UBE3C: variants seen among roughly 807,000 people sequenced by gnomAD.
The protein encoded by UBE3C is ubiquitin protein ligase E3C.
In UBE3C, 42 loss-of-function variants were observed where a neutral mutation model predicts 129.4. The ratio of observed to expected loss-of-function variants is 0.32; its 90% CI spans 0.25 to 0.42. The LOEUF is 0.42. Ranked by LOEUF, UBE3C falls within the 10% of genes least tolerant of loss-of-function variation. The pLI, the probability that UBE3C is intolerant of heterozygous loss-of-function variation, is 1.00. For synonymous variants in UBE3C, 510 were observed against 492.4 expected, an observed-to-expected ratio of 1.04 and a Z score of -0.47; for missense variants, 1,049 against 1,319.1, an observed-to-expected ratio of 0.80 and a Z score of 3.17.
intron 18 of UBE3C, among the ~76,000 whole-genome samples, chr7:157,236,016 A>G (rs1468296567): frequency 6.6e-6 from 1 of 152,208 alleles, no homozygotes; most frequent in Non-Finnish European, 1.5e-5. Flanking sequence ...TCTTTAATGC[A>G]TATGTTAGTG....
Position 157,182,259 on chromosome 7 carries a change from T to G in UBE3C, c.922T>G (p.Cys308Gly), listed in dbSNP as rs769984704. ...LNALLLIESR[C>G]SRKSGGAPWL... The stretch of plus-strand genomic sequence containing the variant: ...TGCACTGTTGTTAATAGAGAGTAGA[T>G]GTTCAAGAAAGAGTGGTGGAGCACC... The change falls in exon 8 of 23, where the codon TGT (cysteine) becomes GGT (glycine). Residue 308 changes from cysteine (C) to glycine (G), a missense_variant. By Grantham distance (159) the Cys-to-Gly change is radical (BLOSUM62 -3). Coordinates refer to ENST00000348165, the MANE Select transcript of UBE3C (RefSeq NM_014671.3). 3.1e-5 allele frequency: 50 copies of G among 1,614,116 alleles called. No homozygotes were observed. The Admixed American group carries it at 8.3e-4, about 27-fold the overall frequency.
intron 6 of UBE3C, among the ~76,000 whole-genome samples, chr7:157,179,119 T>A (rs1808602027): frequency 6.6e-6 from 1 of 151,774 alleles, no homozygotes; most frequent in South Asian, 2.1e-4. Context: ...TATGCTTTCA[T>A]CAGTTGTCCC....
chr7:157,162,870 A>T (rs1451610788), intron 1 of UBE3C, among the ~76,000 whole-genome samples: 1 of 152,154 alleles, frequency 6.6e-6, no homozygotes, highest in Non-Finnish European at 1.5e-5. Context: ...ATGTCCATAC[A>T]CTAAAGACTG....
At chr7:157,223,104 G>A in intron 15 of UBE3C, 150 bp from the exon 16 acceptor site, 1 of 731,612 alleles carries the variant, frequency 1.4e-6, no homozygotes. Flanking sequence ...TGGCTCATGG[G>A]TCTGCCTGAG....
intron 10 of UBE3C, among the ~76,000 whole-genome samples, chr7:157,191,932 A>G (rs529774869): frequency 6.0e-4 from 92 of 152,190 alleles, no homozygotes; most frequent in Non-Finnish European, 1.2e-3. Context: ...TATTTTCATT[A>G]TAATCAATAG....
In UBE3C at chr7:157,269,067, C is replaced by T. The variant is rs1000582674; in HGVS notation, c.*1312C>T. 2.6e-5 allele frequency: 4 copies of T among 152,580 alleles called. No individual in the cohort carries two copies. The highest frequency in any genetic ancestry group is 5.9e-5 in the Non-Finnish European group (4 of 68,030). The allele number at this position is 152,580 out of a possible 1,614,324, so 9.5% of individuals were successfully genotyped here. On this transcript the variant is annotated 3_prime_UTR_variant, in exon 23 of 23. Transcript: ENST00000348165. The stretch of plus-strand genomic sequence containing the variant: ...TTTAAGACAATGAACATTATCAAAA[C>T]AAAATGTATAATTTCTTAATTTGAA...
Position 157,153,906 on chromosome 7 carries a change from C to T in UBE3C, c.67-9904C>T, listed in dbSNP as rs537405214. Among the ~76,000 whole-genome samples the T allele has an allele frequency of 1.5e-3, 232 of 151,746 alleles. 1 individual carries two copies. Among genetic ancestry groups the T allele is most frequent in the Middle Eastern group, 6.8e-3 (2 of 294 alleles). Reference sequence around the variant, plus strand: ...TACTCGGGAGGCTGAGGTGGGAGGACGGCTTGGTGGGGCGGGGGCGAGGTT... The same window carrying T: ...TACTCGGGAGGCTGAGGTGGGAGGATGGCTTGGTGGGGCGGGGGCGAGGTT... On this transcript the variant is annotated intron_variant, in intron 1 of 22. Transcript: ENST00000348165.
At chr7:157,260,693 C>T (rs1262937615) in intron 22 of UBE3C, among the ~76,000 whole-genome samples, 1 of 152,212 alleles carries the variant, frequency 6.6e-6, no homozygotes, top group Non-Finnish European at 1.5e-5. Flanking sequence ...TTATGCATCT[C>T]ATCTAGTTTC....
intron 22 of UBE3C, among the ~76,000 whole-genome samples, chr7:157,264,258 C>T: frequency 7.3e-6 from 1 of 136,244 alleles, no homozygotes; most frequent in South Asian, 2.4e-4. Flanking sequence ...CACACACACA[C>T]CTGGTACTAC....
At chr7:157,184,106 T>C (rs1005096762) in intron 9 of UBE3C, 77 bp downstream of exon 9, 10 of 1,555,648 alleles carry the variant, frequency 6.4e-6, no homozygotes, top group Non-Finnish European at 7.0e-6. Flanking sequence ...TGTCCACCCG[T>C]AGTTTCAGTT....
At chr7:157,195,212 C>T (rs1046872765) in intron 10 of UBE3C, among the ~76,000 whole-genome samples, 2 of 152,144 alleles carry the variant, frequency 1.3e-5, no homozygotes, top group African/African-American at 4.8e-5. Context: ...CGGGATTTTC[C>T]AGGAAAGATA....
intron 6 of UBE3C, among the ~76,000 whole-genome samples, chr7:157,180,447 G>T (rs916905020): frequency 3.3e-5 from 5 of 152,136 alleles, no homozygotes; most frequent in African/African-American, 1.2e-4. Context: ...GGTTAGACTT[G>T]GGGTAGTTAC....
At chr7:157,254,368 A>G in intron 21 of UBE3C, 58 bp downstream of exon 21, 3 of 1,059,896 alleles carry the variant, frequency 2.8e-6, no homozygotes, top group Non-Finnish European at 3.8e-6. Context: ...CATATTTCCA[A>G]AGTAATTTTT....
At chr7:157,229,481 A>ATTT (rs957550619) in intron 17 of UBE3C, among the ~76,000 whole-genome samples, 1 of 150,696 alleles carries the variant, frequency 6.6e-6, no homozygotes, top group Non-Finnish European at 1.5e-5. Flanking sequence ...CGCCCGGCTA[A>ATTT]TTTTTTTTTG....
chr7:157,163,251 G>A (rs1387909100), intron 1 of UBE3C, among the ~76,000 whole-genome samples: 2 of 151,970 alleles, frequency 1.3e-5, no homozygotes, highest in Non-Finnish European at 2.9e-5. Flanking sequence ...GCCGGGCGTG[G>A]TGGCGGGCGC....
intron 15 of UBE3C, 67 bp from the exon 16 acceptor site, chr7:157,223,187 A>G: frequency 2.7e-6 from 4 of 1,494,868 alleles, no homozygotes; most frequent in Non-Finnish European, 3.7e-6. Flanking sequence ...CTTCACCTTA[A>G]GAATTGTCAG....
chr7:157,199,353 G>C (rs1440044708), intron 10 of UBE3C, among the ~76,000 whole-genome samples: 2 of 151,982 alleles, frequency 1.3e-5, no homozygotes, highest in Admixed American at 6.6e-5. Context: ...CTCTTATCAG[G>C]CATATGGTAA....
chr7:157,181,019 C>G (rs961623645), intron 6 of UBE3C, among the ~76,000 whole-genome samples: 3 of 152,192 alleles, frequency 2.0e-5, no homozygotes, highest in African/African-American at 7.2e-5. Context: ...ATATGTTCAA[C>G]TCTATGAATT....
intron 1 of UBE3C, among the ~76,000 whole-genome samples, chr7:157,152,753 G>A (rs530624624): frequency 3.3e-5 from 5 of 152,092 alleles, no homozygotes; most frequent in Non-Finnish European, 5.9e-5. Context: ...TTGTCTTGCC[G>A]GCACATCTTG....
Sources: allele counts gnomAD v4.1 joint callset (sites outside exome capture counted in the v4.1 genomes callset), GRCh38; gene constraint gnomAD v4.1.1; transcripts MANE v1.5; gene names NCBI Gene and HGNC (gene_info 2026-07-23, HGNC 2026-07-21).